The following KCNJ3 variants were observed in gnomAD, a reference collection of about 807,000 sequenced individuals.
KCNJ3 encodes the protein G protein-activated inward rectifier potassium channel 1.
KCNJ3 carries 4 observed loss-of-function variants against 39.2 expected under a neutral mutation model. That is an observed-to-expected ratio of 0.10 (90% confidence interval 0.05 to 0.23). The LOEUF (loss-of-function observed/expected upper bound fraction) is 0.23, where lower values mean the gene tolerates loss of function less well. KCNJ3 is among the 10% of genes least tolerant of loss of function. The probability of loss-of-function intolerance (pLI) is 1.00; values close to 1 mark genes in which losing one functional copy is unlikely to be tolerated. For synonymous variants in KCNJ3, 230 were observed against 237.4 expected (o/e 0.97, Z 0.29); for missense variants, 276 against 634.9 (o/e 0.43, Z 6.08).
Position 154,742,792 on chromosome 2 carries a change from AT to A in KCNJ3, c.919+32976del, listed in dbSNP as rs201039476. On this transcript the variant is annotated intron_variant, in intron 2 of 2. Transcript: ENST00000295101. ...ATGTCAATTCTTTATCAGATATATGATTTGCAAATATTTTCTTTCATTCTGT... is the reference window on the plus strand; with the variant it reads ...ATGTCAATTCTTTATCAGATATATGATTGCAAATATTTTCTTTCATTCTGT... 7.7e-3 allele frequency among the ~76,000 whole-genome samples: 1,168 copies of A among 151,824 alleles called. 7 individuals are homozygous for A. The highest frequency in any genetic ancestry group is 0.012 in the South Asian group (59 of 4,826).
At chr2:154,812,774 G>T (rs1400821331) in intron 2 of KCNJ3, among the ~76,000 whole-genome samples, 1 of 151,912 alleles carries the variant, frequency 6.6e-6, no homozygotes, top group Non-Finnish European at 1.5e-5. Flanking sequence ...CTATAACGAG[G>T]TTAAAAAATA....
At chr2:154,760,889 A>C (rs1469628071) in intron 2 of KCNJ3, among the ~76,000 whole-genome samples, 1 of 150,484 alleles carries the variant, frequency 6.6e-6, no homozygotes, top group East Asian at 1.9e-4. Context: ...GGTGCCCGCC[A>C]CCACACCCAG....
At chr2:154,805,796 A>G (rs982847857) in intron 2 of KCNJ3, among the ~76,000 whole-genome samples, 3 of 152,190 alleles carry the variant, frequency 2.0e-5, no homozygotes, top group African/African-American at 7.2e-5. Context: ...ACATGAAGTG[A>G]TTTCCAATTT....
intron 2 of KCNJ3, among the ~76,000 whole-genome samples, chr2:154,812,715 G>A (rs1464683668): frequency 1.3e-5 from 2 of 152,062 alleles, no homozygotes; most frequent in African/African-American, 4.8e-5. Flanking sequence ...ATAATATTGG[G>A]AGTTGATATA....
chr2:154,823,947 C>A (rs1212404017), intron 2 of KCNJ3, among the ~76,000 whole-genome samples: 2 of 152,152 alleles, frequency 1.3e-5, no homozygotes, highest in East Asian at 3.8e-4. Context: ...TGAAGAGCTA[C>A]AACTTCCTTG....
intron 2 of KCNJ3, among the ~76,000 whole-genome samples, chr2:154,734,892 T>G (rs1685500979): frequency 6.6e-6 from 1 of 152,176 alleles, no homozygotes; most frequent in Non-Finnish European, 1.5e-5. Flanking sequence ...TCAGAGTATT[T>G]AAGAATGAGG....
intron 2 of KCNJ3, among the ~76,000 whole-genome samples, chr2:154,811,905 C>T (rs1351400244): frequency 1.3e-5 from 2 of 152,118 alleles, no homozygotes; most frequent in South Asian, 2.1e-4. Flanking sequence ...TTCACATTCT[C>T]TTTAGAATAA....
At position 154,838,682 on chromosome 2, in the gene KCNJ3, TTTTG is replaced by T. The variant is rs575907635; in HGVS notation, c.920-16041_920-16038del. Among the ~76,000 whole-genome samples the T allele has an allele frequency of 2.3e-4, 35 of 152,334 alleles. No individual in the cohort carries two copies. The East Asian group carries it at 4.8e-3, about 21-fold the overall frequency. ...GGTTTATTTTTATTACCTATTTAAA[TTTTG>T]TTTATTTTATATAAATGTAACATTG... is the stretch of plus-strand genomic sequence containing the variant. On this transcript the variant is annotated intron_variant, in intron 2 of 2. Transcript: ENST00000295101.
chr2:154,711,411 C>T lies in KCNJ3; in HGVS notation c.919+1592C>T, dbSNP rs889809602. Among the ~76,000 whole-genome samples the T allele has an allele frequency of 8.6e-5, 13 of 152,028 alleles. 1 individual carries two copies. Among genetic ancestry groups the T allele is most frequent in the African/African-American group, 2.9e-4 (12 of 41,414 alleles). Reference sequence around the variant, plus strand: ...TTTACCAATTGCTTATTATTATTCTCATCACTGACATTAATGCATTTTTGC... The same window carrying T: ...TTTACCAATTGCTTATTATTATTCTTATCACTGACATTAATGCATTTTTGC... On this transcript the variant is annotated intron_variant, in intron 2 of 2. Transcript: ENST00000295101.
intron 2 of KCNJ3, among the ~76,000 whole-genome samples, chr2:154,838,509 T>C (rs572013910): frequency 6.6e-6 from 1 of 152,292 alleles, no homozygotes; most frequent in East Asian, 1.9e-4. Context: ...AATTATATGA[T>C]AATACACATA....
chr2:154,793,216 T>G (rs969240521), intron 2 of KCNJ3, among the ~76,000 whole-genome samples: 7 of 152,058 alleles, frequency 4.6e-5, no homozygotes, highest in African/African-American at 1.7e-4. Flanking sequence ...ATTGGCGAGT[T>G]TTTACTGTAT....
At chr2:154,735,486 G>A (rs1427167557) in intron 2 of KCNJ3, among the ~76,000 whole-genome samples, 1 of 152,006 alleles carries the variant, frequency 6.6e-6, no homozygotes, top group Admixed American at 6.5e-5. Context: ...AGTTTTACAG[G>A]GTAAGAATTG....
intron 2 of KCNJ3, among the ~76,000 whole-genome samples, chr2:154,727,750 A>G (rs1460822373): frequency 6.6e-6 from 1 of 151,848 alleles, no homozygotes; most frequent in African/African-American, 2.4e-5. Context: ...GTTATACATG[A>G]TGTTAACTTT....
chr2:154,764,268 C>T (rs1367577728), intron 2 of KCNJ3, among the ~76,000 whole-genome samples: 5 of 152,168 alleles, frequency 3.3e-5, no homozygotes, highest in African/African-American at 1.2e-4. Context: ...ATGCCCTCCT[C>T]TCTTTTACCC....
intron 2 of KCNJ3, among the ~76,000 whole-genome samples, chr2:154,843,189 C>G (rs1013083453): frequency 3.9e-5 from 6 of 152,142 alleles, no homozygotes; most frequent in African/African-American, 1.2e-4. Context: ...TTCTCCTTCA[C>G]TTATGAAGCT....
intron 2 of KCNJ3, among the ~76,000 whole-genome samples, chr2:154,822,708 AT>A (rs1687204847): frequency 6.6e-6 from 1 of 152,028 alleles, no homozygotes; most frequent in Non-Finnish European, 1.5e-5. Context: ...CTAATTAGAT[AT>A]TTTTAAATAT....
chr2:154,709,970 T>A (rs1162412259), intron 2 of KCNJ3, 151 bp downstream of exon 2: 2 of 917,764 alleles, frequency 2.2e-6, no homozygotes, highest in East Asian at 5.3e-5. Context: ...AACATTAAAT[T>A]GATACCATTT....
intron 2 of KCNJ3, among the ~76,000 whole-genome samples, chr2:154,748,050 A>C (rs1685777803): frequency 6.6e-6 from 1 of 152,030 alleles, no homozygotes; most frequent in Non-Finnish European, 1.5e-5. Flanking sequence ...CCCTGCCTCC[A>C]TCTCCCATCC....
At position 154,719,681 on chromosome 2, in the gene KCNJ3, C is replaced by A. The variant is rs189507104; in HGVS notation, c.919+9862C>A. On this transcript the variant is annotated intron_variant, in intron 2 of 2. Coordinates refer to ENST00000295101, the MANE Select transcript of KCNJ3 (RefSeq NM_002239.4). ...GGAGAGAATATCATTATGCTTACAG[C>A]AAAATTCAAAATGACAATTTTCATA... Among the ~76,000 whole-genome samples, 7 of 152,182 alleles carry A rather than the reference C, an allele frequency of 4.6e-5. No homozygotes were observed. The East Asian group carries it at 1.2e-3, about 25-fold the overall frequency.
Sources: allele counts gnomAD v4.1 joint callset (sites outside exome capture counted in the v4.1 genomes callset), GRCh38; gene constraint gnomAD v4.1.1; transcripts MANE v1.5; gene names NCBI Gene and HGNC (gene_info 2026-07-23, HGNC 2026-07-21).